Variants in ANXA8 observed in about 807,000 individuals in gnomAD.
ANXA8 encodes the protein VAC-beta.
Under a neutral mutation model 26.8 loss-of-function variants are expected in ANXA8, and 9 were observed. The observed-to-expected ratio is 0.34, with a 90% confidence interval of 0.20 to 0.59. The LOEUF (loss-of-function observed/expected upper bound fraction) is 0.59. Ranked by LOEUF, ANXA8 falls within the 20% of genes least tolerant of loss-of-function variation. The pLI, the probability that ANXA8 is intolerant of heterozygous loss-of-function variation, is 0.84. For missense variants in ANXA8, 83 were observed against 238.5 expected (o/e 0.35, Z 4.29); for synonymous variants, 39 against 94.8 (o/e 0.41, Z 3.42).
At chr10:47,768,378 C>T in the ANXA8 span, among the ~76,000 whole-genome samples, 1 of 151,380 alleles carries the variant, frequency 6.6e-6, no homozygotes, top group Admixed American at 6.6e-5. Context: ...TATTAATATG[C>T]TAAATTGATG....
the ANXA8 span, among the ~76,000 whole-genome samples, chr10:47,900,805 A>C: frequency 6.8e-6 from 1 of 147,794 alleles, no homozygotes; most frequent in African/African-American, 2.6e-5. Flanking sequence ...AATCCCACAC[A>C]GGAAGAATAT....
At chr10:47,526,043 A>T in the ANXA8 span, among the ~76,000 whole-genome samples, 1 of 137,480 alleles carries the variant, frequency 7.3e-6, no homozygotes, top group Admixed American at 7.5e-5. Context: ...AAGTGCTAGG[A>T]CTACAGGAAT....
chr10:47,976,349 T>G, the ANXA8 span, among the ~76,000 whole-genome samples: 207 of 151,016 alleles, frequency 1.4e-3, no homozygotes, highest in African/African-American at 4.9e-3. Flanking sequence ...GAATAGCAAA[T>G]TTTGTGGTGT....
At chr10:47,755,233 G>A in the ANXA8 span, among the ~76,000 whole-genome samples, 1 of 151,318 alleles carries the variant, frequency 6.6e-6, no homozygotes, top group Non-Finnish European at 1.5e-5. Flanking sequence ...AGGATTATAG[G>A]CGTGAGCCAC....
the ANXA8 span, among the ~76,000 whole-genome samples, chr10:47,955,139 T>C: frequency 1.3e-5 from 2 of 149,186 alleles, no homozygotes; most frequent in African/African-American, 2.5e-5. Context: ...GTGATGGTAT[T>C]ATAAGGGGGA....
At chr10:47,942,558 A>T in the ANXA8 span, among the ~76,000 whole-genome samples, 12 of 140,896 alleles carry the variant, frequency 8.5e-5, 4 homozygotes, top group South Asian at 1.3e-3. Flanking sequence ...ATCTCCAAAC[A>T]TGCAGTCATG....
chr10:47,948,401 A>C, the ANXA8 span, among the ~76,000 whole-genome samples: 3 of 113,700 alleles, frequency 2.6e-5, no homozygotes, highest in Non-Finnish European at 5.2e-5. Flanking sequence ...GAAACATGAA[A>C]GTAATCATCA....
chr10:47,732,927 G>A, the ANXA8 span, among the ~76,000 whole-genome samples: 8 of 149,088 alleles, frequency 5.4e-5, no homozygotes, highest in African/African-American at 2.0e-4. Context: ...ATCAGCGCCA[G>A]GATTAAATCT....
the ANXA8 span, among the ~76,000 whole-genome samples, chr10:47,595,828 C>G: frequency 2.0e-5 from 3 of 148,176 alleles, no homozygotes; most frequent in Non-Finnish European, 4.4e-5. Flanking sequence ...CTTCAACACT[C>G]CACTGACAGT....
At chr10:47,588,809 C>CTTTTTT in the ANXA8 span, 1 of 96,384 alleles carries the variant, frequency 1.0e-5, no homozygotes, top group African/African-American at 5.8e-5. Context: ...GTCTTTCTCT[C>CTTTTTT]TCTTTTTTTT....
the ANXA8 span, among the ~76,000 whole-genome samples, chr10:47,634,055 AC>A: frequency 7.4e-6 from 1 of 135,702 alleles, no homozygotes. Flanking sequence ...GCACGCATAA[AC>A]GCAGCTCAAA....
the ANXA8 span, among the ~76,000 whole-genome samples, chr10:47,982,835 A>ATATATATATATATATAT: frequency 1.6e-4 from 2 of 12,792 alleles, no homozygotes; most frequent in Admixed American, 8.7e-4. Flanking sequence ...TATATATATA[A>ATATATATATATATATAT]AATTTGATAA....
chr10:47,552,207 C>G, the ANXA8 span, among the ~76,000 whole-genome samples: 1 of 151,884 alleles, frequency 6.6e-6, no homozygotes, highest in Non-Finnish European at 1.5e-5. Context: ...GTCAACATCA[C>G]CAGTACCTAT....
At chr10:47,693,050 C>T in the ANXA8 span, among the ~76,000 whole-genome samples, 6 of 151,500 alleles carry the variant, frequency 4.0e-5, no homozygotes, top group African/African-American at 7.3e-5. Flanking sequence ...ATGTTTTCAC[C>T]GAAGACATCT....
chr10:47,744,908 A>C, the ANXA8 span, among the ~76,000 whole-genome samples: 1 of 152,000 alleles, frequency 6.6e-6, no homozygotes, highest in Non-Finnish European at 1.5e-5. Flanking sequence ...TAGCTATAAA[A>C]ATAGGCTCTG....
chr10:47,630,244 G>A, the ANXA8 span, among the ~76,000 whole-genome samples: 1 of 145,738 alleles, frequency 6.9e-6, no homozygotes, highest in African/African-American at 2.7e-5. Flanking sequence ...TATATAGGTA[G>A]TTTTAACCAT....
the ANXA8 span, among the ~76,000 whole-genome samples, chr10:47,909,024 C>T: frequency 1.3e-5 from 1 of 78,658 alleles, no homozygotes; most frequent in African/African-American, 5.9e-5. Context: ...CACACACACA[C>T]ACACACACGA....
the ANXA8 span, chr10:47,510,178 T>C: frequency 6.7e-6 from 9 of 1,340,722 alleles, no homozygotes; most frequent in South Asian, 3.8e-5. Flanking sequence ...CACGATATTA[T>C]TGTCATTGTA....
chr10:47,627,358 C>T, the ANXA8 span, among the ~76,000 whole-genome samples: 14 of 150,312 alleles, frequency 9.3e-5, no homozygotes, highest in Middle Eastern at 3.4e-3. Flanking sequence ...CTGTAGACTA[C>T]ATCTCCTATT....
Sources: gnomAD v4.1 joint callset for allele counts (sites outside exome capture counted in the v4.1 genomes callset) on GRCh38, gnomAD v4.1.1 for gene constraint, MANE v1.5 for transcripts, NCBI Gene and HGNC (gene_info 2026-07-23, HGNC 2026-07-21) for gene names.